The following TRAPPC9 variants were observed in gnomAD, a reference collection of about 807,000 sequenced individuals.
TRAPPC9 encodes the protein trafficking protein particle complex subunit 9.
TRAPPC9 carries 83 observed loss-of-function variants against 124.0 expected under a neutral mutation model. That is an observed-to-expected ratio of 0.67 (90% CI 0.56 to 0.80). The LOEUF (loss-of-function observed/expected upper bound fraction) is 0.80. Among genes scored for constraint, TRAPPC9 ranks in the 30% least tolerant of loss-of-function variants. The probability of loss-of-function intolerance (pLI) is 0.00; values close to 1 mark genes in which losing one functional copy is unlikely to be tolerated. For missense variants in TRAPPC9, 1,302 were observed against 1,508.3 expected, an observed-to-expected ratio of 0.86 and a Z score of 2.27; for synonymous variants, 638 against 617.5, an observed-to-expected ratio of 1.03 and a Z score of -0.49.
Position 139,791,132 on chromosome 8 carries a change from G to C in TRAPPC9, c.3056-58930C>G, listed in dbSNP as rs111772227. ...ATGAAGGAAGGCACGGGGCTCCCAG[G>C]GGAGTGCACAAGCCACGCTGGTGAG... On this transcript the variant is annotated intron_variant, in intron 21 of 22. Transcript: ENST00000438773. Among the ~76,000 whole-genome samples, 349 of 152,280 alleles carry C rather than the reference G, an allele frequency of 2.3e-3. 2 individuals carry two copies. The highest frequency in any genetic ancestry group is 7.7e-3 in the African/African-American group (319 of 41,550).
intron 17 of TRAPPC9, among the ~76,000 whole-genome samples, chr8:140,061,915 A>G (rs1212174778): frequency 2.0e-5 from 3 of 152,170 alleles, no homozygotes; most frequent in African/African-American, 7.2e-5. Flanking sequence ...CATTACAGGG[A>G]GCAGGGTGAG....
intron 21 of TRAPPC9, among the ~76,000 whole-genome samples, chr8:139,748,018 GT>G (rs2130161404): frequency 2.8e-5 from 1 of 36,154 alleles, no homozygotes; most frequent in Non-Finnish European, 4.6e-5. Context: ...GTCACAGCAG[GT>G]TGGGGGGGCG....
chr8:140,320,299 A>C (rs1282211199), intron 9 of TRAPPC9, among the ~76,000 whole-genome samples: 1 of 152,228 alleles, frequency 6.6e-6, no homozygotes, highest in African/African-American at 2.4e-5. Context: ...TAAGTGGAAA[A>C]CAAAACAAAA....
At chr8:139,856,598 G>A (rs968218967) in intron 21 of TRAPPC9, among the ~76,000 whole-genome samples, 1 of 152,152 alleles carries the variant, frequency 6.6e-6, no homozygotes, top group Admixed American at 6.5e-5. Flanking sequence ...AGCGGCGGGG[G>A]GTGGCGTGCA....
At chr8:139,746,495 A>G (rs1818899746) in intron 21 of TRAPPC9, among the ~76,000 whole-genome samples, 1 of 152,162 alleles carries the variant, frequency 6.6e-6, no homozygotes, top group South Asian at 2.1e-4. Flanking sequence ...TCCACGGGGT[A>G]GGGGAGCCCC....
chr8:140,255,204 A>T (rs748215332), intron 15 of TRAPPC9, among the ~76,000 whole-genome samples: 1 of 152,182 alleles, frequency 6.6e-6, no homozygotes, highest in African/African-American at 2.4e-5. Flanking sequence ...GTGTTTAGAA[A>T]CCACATCACA....
Position 140,120,025 on chromosome 8 carries a change from T to C in TRAPPC9, c.2557-95946A>G, listed in dbSNP as rs188827656. On this transcript the variant is annotated intron_variant, in intron 17 of 22. Transcript: ENST00000438773. The stretch of plus-strand genomic sequence containing the variant: ...TCACATAATGGGTGGTCAGTAGATG[T>C]TGAGAAAGTGAATGAAGATAAACTG... Among the ~76,000 whole-genome samples the C allele has an allele frequency of 3.3e-5, 5 of 152,338 alleles. No homozygotes were observed. The East Asian group carries it at 7.7e-4, about 23-fold the overall frequency.
intron 20 of TRAPPC9, among the ~76,000 whole-genome samples, chr8:139,902,835 C>T (rs947873246): frequency 1.1e-4 from 16 of 152,188 alleles, no homozygotes; most frequent in African/African-American, 3.4e-4. Flanking sequence ...AAGGCAACTC[C>T]TCCTTACTGG....
intron 17 of TRAPPC9, among the ~76,000 whole-genome samples, chr8:140,198,339 C>G (rs1315565623): frequency 6.6e-6 from 1 of 152,178 alleles, no homozygotes; most frequent in Non-Finnish European, 1.5e-5. Flanking sequence ...AGGAGTCACG[C>G]AGATGGAGGC....
rs975820186 is a variant in TRAPPC9, at chr8:139,742,704, A to G, written c.3056-10502T>C. Among the ~76,000 whole-genome samples the G allele has an allele frequency of 3.9e-5, 6 of 152,164 alleles. No individual in the cohort carries two copies. Among genetic ancestry groups the G allele is most frequent in the African/African-American group, 1.4e-4 (6 of 41,450 alleles). ...CAGGACATGAGGACCAGCAGGTCAG[A>G]TGGGCCCAGCATGCACGGTTGCTTT... On this transcript the variant is annotated intron_variant, in intron 21 of 22. Transcript: ENST00000438773. The surrounding 1 kb of genome is among the most constrained non-coding windows in gnomAD (Gnocchi z 4.7).
chr8:140,300,899 C>A, intron 10 of TRAPPC9, among the ~76,000 whole-genome samples: 1 of 152,210 alleles, frequency 6.6e-6, no homozygotes, highest in Non-Finnish European at 1.5e-5. Flanking sequence ...GTCAGAAAGG[C>A]CAGCTTGAAA....
At chr8:140,181,697 T>C (rs1048395959) in intron 17 of TRAPPC9, among the ~76,000 whole-genome samples, 7 of 152,314 alleles carry the variant, frequency 4.6e-5, no homozygotes, top group African/African-American at 1.4e-4. Flanking sequence ...ATTCTGACCA[T>C]ATCAAACAGG....
intron 20 of TRAPPC9, among the ~76,000 whole-genome samples, chr8:139,900,356 T>C (rs1830945080): frequency 6.6e-6 from 1 of 152,170 alleles, no homozygotes; most frequent in Non-Finnish European, 1.5e-5. Flanking sequence ...GTCTCTACCC[T>C]GGAAACCAAC....
At chr8:139,873,688 TGA>T (rs1829144793) in intron 21 of TRAPPC9, among the ~76,000 whole-genome samples, 1 of 152,148 alleles carries the variant, frequency 6.6e-6, no homozygotes, top group Non-Finnish European at 1.5e-5. Context: ...CCTCCTGCAG[TGA>T]GAGTTACTTC....
chr8:140,198,870 T>C (rs2062722725), intron 17 of TRAPPC9, among the ~76,000 whole-genome samples: 1 of 152,220 alleles, frequency 6.6e-6, no homozygotes, highest in Non-Finnish European at 1.5e-5. Flanking sequence ...AAGGACGTTC[T>C]TGTATTCAGC....
chr8:140,117,698 T>C (rs919711018), intron 17 of TRAPPC9, among the ~76,000 whole-genome samples: 1 of 152,240 alleles, frequency 6.6e-6, no homozygotes, highest in African/African-American at 2.4e-5. Flanking sequence ...AGACATATGA[T>C]GGCAGCTTTT....
chr8:139,988,105 C>CTTT (rs773534032), intron 19 of TRAPPC9, among the ~76,000 whole-genome samples: 15 of 114,472 alleles, frequency 1.3e-4, no homozygotes, highest in African/African-American at 1.6e-4. Context: ...GATACCACCT[C>CTTT]TTTTTTTTTT....
At chr8:140,056,251 G>GA (rs34051448) in intron 17 of TRAPPC9, among the ~76,000 whole-genome samples, 21 of 148,670 alleles carry the variant, frequency 1.4e-4, no homozygotes, top group East Asian at 1.4e-3. Flanking sequence ...TCTACAGAAA[G>GA]AAAAAAAAAA....
At chr8:140,070,397 C>G (rs1406492732) in intron 17 of TRAPPC9, among the ~76,000 whole-genome samples, 1 of 152,136 alleles carries the variant, frequency 6.6e-6, no homozygotes, top group Non-Finnish European at 1.5e-5. Context: ...TTTGTCAGCA[C>G]TGGAATTAAT....
Sources: gnomAD v4.1 joint callset for allele counts (sites outside exome capture counted in the v4.1 genomes callset) on GRCh38, gnomAD v4.1.1 for gene constraint, Gnocchi (gnomAD v3.1) non-coding constraint, MANE v1.5 for transcripts, NCBI Gene and HGNC (gene_info 2026-07-23, HGNC 2026-07-21) for gene names.